ST8SIA5: variants seen among roughly 807,000 people sequenced by gnomAD.
ST8SIA5 encodes ST8 alpha-N-acetyl-neuraminide alpha-2,8-sialyltransferase 5, also known as alpha-2,8-sialyltransferase 8E.
In ST8SIA5, 24 loss-of-function variants were observed where a neutral mutation model predicts 40.2. That is an observed-to-expected ratio of 0.60 (90% CI 0.43 to 0.84). The LOEUF (loss-of-function observed/expected upper bound fraction) is 0.84, where lower values mean the gene tolerates loss of function less well. Among genes scored for constraint, ST8SIA5 ranks in the 40% least tolerant of loss-of-function variants. The pLI is 0.00. For missense variants in ST8SIA5, 465 were observed against 498.5 expected (o/e 0.93, Z 0.64); for synonymous variants, 198 against 201.8 (o/e 0.98, Z 0.16).
intron 1 of ST8SIA5, among the ~76,000 whole-genome samples, chr18:46,714,574 A>G (rs991159381): frequency 2.0e-5 from 3 of 152,168 alleles, no homozygotes; most frequent in African/African-American, 7.2e-5. Context: ...TCCTCAGTTT[A>G]CAGGAAAGCA....
At position 46,725,972 on chromosome 18, in the gene ST8SIA5, A is replaced by AAATATATATATATAT. The variant is rs59660372; in HGVS notation, c.132-21309_132-21308insATATATATATATATT. Among the ~76,000 whole-genome samples, 3 of 29,096 alleles carry AAATATATATATATAT rather than the reference A, an allele frequency of 1.0e-4. 1 individual carries two copies. Among genetic ancestry groups the AAATATATATATATAT allele is most frequent in the African/African-American group, 1.5e-4 (1 of 6,660 alleles). The allele number at this position is 29,096 out of a possible 152,430, so 19.1% of individuals were successfully genotyped here. A position where few individuals can be genotyped will look rare whatever the true frequency, so the allele number is the denominator to read the frequency against. On this transcript the variant is annotated intron_variant, in intron 1 of 6. Transcript: ENST00000315087. ...CCCATCTCTACTTAAAAAAAAAAAA[A>AAATATATATATATAT]ATATATATATATATATATATATATA... is the stretch of plus-strand genomic sequence containing the variant.
chr18:46,681,846 C>T (rs982935010), intron 6 of ST8SIA5, 126 bp downstream of exon 6: 2 of 850,032 alleles, frequency 2.4e-6, no homozygotes, highest in Admixed American at 5.3e-5. Context: ...TCTTTGAAAC[C>T]CAGTGTGTGT....
At chr18:46,721,392 G>A in intron 1 of ST8SIA5, 1 of 1,536,112 alleles carries the variant, frequency 6.5e-7, no homozygotes, top group African/African-American at 1.4e-5. Context: ...GCTCTGCACT[G>A]CTGGATCATC....
At chr18:46,749,989 T>G (rs2040181438) in intron 1 of ST8SIA5, among the ~76,000 whole-genome samples, 1 of 152,178 alleles carries the variant, frequency 6.6e-6, no homozygotes, top group African/African-American at 2.4e-5. Context: ...AACCCAACCA[T>G]GCTATCACCT....
chr18:46,750,497 C>T (rs1599157809), intron 1 of ST8SIA5, among the ~76,000 whole-genome samples: 2 of 152,130 alleles, frequency 1.3e-5, no homozygotes, highest in Admixed American at 1.3e-4. Context: ...GTAACCTGCG[C>T]TCCCTGTCTC....
intron 1 of ST8SIA5, among the ~76,000 whole-genome samples, chr18:46,720,605 G>A (rs933534505): frequency 4.6e-5 from 7 of 152,110 alleles, no homozygotes; most frequent in Non-Finnish European, 8.8e-5. Context: ...CTCTCTCAGG[G>A]AAACGGACGT....
intron 1 of ST8SIA5, among the ~76,000 whole-genome samples, chr18:46,738,065 C>T (rs57534222): frequency 0.02 from 3,043 of 152,158 alleles, 113 homozygotes; most frequent in African/African-American, 0.07. Flanking sequence ...GACAACACTC[C>T]TGGCCAATAG....
chr18:46,734,137 T>G (rs1599144021), intron 1 of ST8SIA5, among the ~76,000 whole-genome samples: 1 of 152,210 alleles, frequency 6.6e-6, no homozygotes, highest in East Asian at 1.9e-4. Context: ...CGCCGCATTC[T>G]CAGCAGGATG....
At chr18:46,685,953 C>T in intron 5 of ST8SIA5, 2 of 580,774 alleles carry the variant, frequency 3.4e-6, no homozygotes, top group Non-Finnish European at 6.2e-6. Flanking sequence ...GCTCTTAACA[C>T]ATCTCCCATT....
At chr18:46,698,344 T>A (rs2144491380) in intron 2 of ST8SIA5, among the ~76,000 whole-genome samples, 1 of 135,062 alleles carries the variant, frequency 7.4e-6, no homozygotes, top group South Asian at 2.4e-4. Flanking sequence ...ACACCAACAA[T>A]CAAATCAACC....
chr18:46,688,858 G>T lies in ST8SIA5; in HGVS notation c.373C>A (p.Pro125Thr), dbSNP rs1192889789. 1.9e-6 allele frequency: 3 copies of T among 1,614,196 alleles called. No individual in the cohort carries two copies. The highest frequency in any genetic ancestry group is 2.5e-6 in the Non-Finnish European group (3 of 1,180,026). ...TCATACTTGAGCTTTGTCCCCAGGGGAGTGTTCTTCTGGGTGGTGAAGAGA... is the reference window on the plus strand; with the variant it reads ...TCATACTTGAGCTTTGTCCCCAGGGTAGTGTTCTTCTGGGTGGTGAAGAGA... ...AFLFTTQKNT[P>T]LGTKLKYEVD... Residue 125 changes from proline to threonine, a missense_variant, in exon 4 of 7, where the codon CCC becomes ACC. Transcript: ENST00000315087.
At chr18:46,743,004 G>A (rs1331847983) in intron 1 of ST8SIA5, among the ~76,000 whole-genome samples, 2 of 152,146 alleles carry the variant, frequency 1.3e-5, no homozygotes, top group Non-Finnish European at 2.9e-5. Context: ...CTAACAAACA[G>A]AAAGAAATAG....
chr18:46,742,248 C>G (rs1408436027), intron 1 of ST8SIA5, among the ~76,000 whole-genome samples: 1 of 151,764 alleles, frequency 6.6e-6, no homozygotes, highest in African/African-American at 2.4e-5. Flanking sequence ...TTTTAACATT[C>G]CCTTTACAAT....
intron 1 of ST8SIA5, among the ~76,000 whole-genome samples, chr18:46,739,607 T>C (rs1464566020): frequency 6.6e-6 from 1 of 152,108 alleles, no homozygotes; most frequent in Non-Finnish European, 1.5e-5. Flanking sequence ...AGACTGACAA[T>C]TAGGCATGAG....
At chr18:46,740,378 G>A (rs1447486296) in intron 1 of ST8SIA5, among the ~76,000 whole-genome samples, 7 of 151,412 alleles carry the variant, frequency 4.6e-5, no homozygotes, top group African/African-American at 1.5e-4. Flanking sequence ...AAAATATGAT[G>A]GCAGAAATAA....
In ST8SIA5 at chr18:46,679,408, T is replaced by A. The variant is rs1472192681; in HGVS notation, c.*634A>T. On this transcript the variant is annotated 3_prime_UTR_variant, in exon 7 of 7. Coordinates refer to ENST00000315087, the MANE Select transcript of ST8SIA5 (RefSeq NM_013305.6). ...GACATAACCCAGGCCTTGGGTTAGA[T>A]CTCTCGGTGTCACAGAAGAACCTGT... 1 of 153,350 alleles carries A rather than the reference T, an allele frequency of 6.5e-6. No homozygotes were observed. The highest frequency in any genetic ancestry group is 1.4e-5 in the Non-Finnish European group (1 of 69,068). The allele number at this position is 153,350 out of a possible 1,614,324, so 9.5% of individuals were successfully genotyped here. A position where few individuals can be genotyped will look rare whatever the true frequency, so the allele number is the denominator to read the frequency against.
intron 2 of ST8SIA5, among the ~76,000 whole-genome samples, chr18:46,703,633 G>A (rs1462043283): frequency 6.6e-6 from 1 of 152,040 alleles, no homozygotes; most frequent in African/African-American, 2.4e-5. Flanking sequence ...AAGGAACAAC[G>A]GTCCCTGCCT....
chr18:46,755,384 G>A (rs1476999250), intron 1 of ST8SIA5, among the ~76,000 whole-genome samples: 1 of 152,178 alleles, frequency 6.6e-6, no homozygotes, highest in Non-Finnish European at 1.5e-5. Flanking sequence ...TATCAACCTA[G>A]GGGAGGGGCG....
intron 1 of ST8SIA5, among the ~76,000 whole-genome samples, chr18:46,743,850 AC>A (rs2040111447): frequency 6.6e-6 from 1 of 152,238 alleles, no homozygotes; most frequent in South Asian, 2.1e-4. Context: ...AAGCCCATCA[AC>A]TAACAGCGGA....
Sources: allele counts gnomAD v4.1 joint callset (sites outside exome capture counted in the v4.1 genomes callset), GRCh38; gene constraint gnomAD v4.1.1; transcripts MANE v1.5; gene names NCBI Gene and HGNC (gene_info 2026-07-23, HGNC 2026-07-21).